NALCN: variants seen among roughly 807,000 people sequenced by gnomAD.
NALCN encodes the protein sodium leak channel, non-selective.
Under a neutral mutation model 225.3 loss-of-function variants are expected in NALCN, and 111 were observed. The observed-to-expected ratio is 0.49, with a 90% CI of 0.42 to 0.58. The LOEUF (loss-of-function observed/expected upper bound fraction) is 0.58. Among genes scored for constraint, NALCN ranks in the 20% least tolerant of loss-of-function variants. The probability of loss-of-function intolerance (pLI) is 0.00; values close to 1 mark genes in which losing one functional copy is unlikely to be tolerated. For synonymous variants in NALCN, 764 were observed against 769.0 expected, an observed-to-expected ratio of 0.99 and a Z score of 0.11; for missense variants, 1,378 against 2,202.4, an observed-to-expected ratio of 0.63 and a Z score of 7.49.
intron 1 of NALCN, among the ~76,000 whole-genome samples, chr13:101,399,881 C>A (rs1467026013): frequency 6.6e-6 from 1 of 152,194 alleles, no homozygotes; most frequent in Non-Finnish European, 1.5e-5. Flanking sequence ...ATTGCTACTG[C>A]CTTCCACAAC....
chr13:101,129,408 C>A (rs929897379), intron 17 of NALCN, among the ~76,000 whole-genome samples: 3 of 152,172 alleles, frequency 2.0e-5, no homozygotes, highest in Non-Finnish European at 4.4e-5. Flanking sequence ...ATTATCTCTA[C>A]TGTGCTCATT....
chr13:101,290,440 A>T (rs2043511561), intron 9 of NALCN, among the ~76,000 whole-genome samples: 1 of 152,210 alleles, frequency 6.6e-6, no homozygotes, highest in Non-Finnish European at 1.5e-5. Flanking sequence ...GAACTTTCTT[A>T]TCTCTCATAG....
chr13:101,302,447 C>T (rs951681127), intron 7 of NALCN, among the ~76,000 whole-genome samples: 2 of 151,816 alleles, frequency 1.3e-5, no homozygotes, highest in Admixed American at 6.6e-5. Context: ...TTAAAAAATC[C>T]GATTAGGTCT....
At chr13:101,155,516 T>C (rs1211080930) in intron 15 of NALCN, among the ~76,000 whole-genome samples, 1 of 152,210 alleles carries the variant, frequency 6.6e-6, no homozygotes, top group African/African-American at 2.4e-5. Flanking sequence ...TTGGGACAAA[T>C]ACCATGGAGA....
At chr13:101,081,980 C>A (rs542658423) in intron 33 of NALCN, among the ~76,000 whole-genome samples, 107 of 152,048 alleles carry the variant, frequency 7.0e-4, no homozygotes, top group Non-Finnish European at 1.2e-3. Flanking sequence ...CGGGTTCAAG[C>A]AATTCTCCTG....
intron 14 of NALCN, among the ~76,000 whole-genome samples, chr13:101,182,098 C>T (rs1048393194): frequency 2.4e-5 from 3 of 122,782 alleles, no homozygotes; most frequent in Non-Finnish European, 4.7e-5. Context: ...CGTGCCACTG[C>T]ACTCCAGCCT....
intron 20 of NALCN, 100 bp downstream of exon 20, chr13:101,110,519 T>A (rs548674623): frequency 7.9e-7 from 1 of 1,265,744 alleles, no homozygotes; most frequent in East Asian, 2.3e-5. Context: ...TAAGGAGACA[T>A]GGGAATGCAG....
At chr13:101,179,766 G>A (rs553218802) in intron 14 of NALCN, among the ~76,000 whole-genome samples, 1 of 152,216 alleles carries the variant, frequency 6.6e-6, no homozygotes, top group East Asian at 1.9e-4. Flanking sequence ...CACCGTGCAC[G>A]GAGTTGGTAG....
chr13:101,207,183 A>G (rs1259295136), intron 13 of NALCN, among the ~76,000 whole-genome samples: 1 of 152,220 alleles, frequency 6.6e-6, no homozygotes, highest in Non-Finnish European at 1.5e-5. Context: ...TAAAAAACCA[A>G]TTCTCAGAAA....
intron 3 of NALCN, among the ~76,000 whole-genome samples, chr13:101,387,580 G>A (rs1042793333): frequency 6.6e-6 from 1 of 152,152 alleles, no homozygotes; most frequent in Admixed American, 6.5e-5. Context: ...ATTATTCTGG[G>A]TGAAGGGACT....
At chr13:101,326,439 C>A (rs1594681160) in intron 7 of NALCN, among the ~76,000 whole-genome samples, 1 of 152,172 alleles carries the variant, frequency 6.6e-6, no homozygotes, top group Non-Finnish European at 1.5e-5. Context: ...CCAACAAGTG[C>A]AAAATACTGG....
chr13:101,175,797 C>T (rs1003641133), intron 15 of NALCN, among the ~76,000 whole-genome samples: 1 of 152,166 alleles, frequency 6.6e-6, no homozygotes, highest in South Asian at 2.1e-4. Flanking sequence ...TAACTTTCAC[C>T]ATGATGACAT....
chr13:101,201,879 A>G (rs2040137050), intron 13 of NALCN, among the ~76,000 whole-genome samples: 2 of 152,172 alleles, frequency 1.3e-5, no homozygotes, highest in Non-Finnish European at 2.9e-5. Context: ...CTACTTGATG[A>G]TTTATATAGT....
chr13:101,110,451 G>C (rs1234032568), intron 20 of NALCN, among the ~76,000 whole-genome samples, 168 bp downstream of exon 20: 3 of 152,270 alleles, frequency 2.0e-5, no homozygotes, highest in Non-Finnish European at 4.4e-5. Flanking sequence ...AGTTACTTCT[G>C]ATACTTGGCT....
intron 17 of NALCN, among the ~76,000 whole-genome samples, chr13:101,125,273 G>C (rs1409073840): frequency 6.6e-6 from 1 of 152,034 alleles, no homozygotes; most frequent in African/African-American, 2.4e-5. Context: ...ATTTTAGATT[G>C]GTGGAAGGTG....
At chr13:101,112,688 C>T (rs1162168342) in intron 18 of NALCN, among the ~76,000 whole-genome samples, 2 of 152,152 alleles carry the variant, frequency 1.3e-5, no homozygotes, top group African/African-American at 4.8e-5. Flanking sequence ...TTGCTCAACA[C>T]CTGAACACAC....
intron 7 of NALCN, among the ~76,000 whole-genome samples, chr13:101,294,626 T>C (rs78764069): frequency 1.3e-5 from 2 of 149,828 alleles, no homozygotes; most frequent in African/African-American, 4.9e-5. Context: ...TCTGGTCCTG[T>C]GATGCCGCCA....
chr13:101,254,687 C>T (rs1449060243), intron 11 of NALCN, among the ~76,000 whole-genome samples: 1 of 74,004 alleles, frequency 1.4e-5, no homozygotes, highest in Non-Finnish European at 3.7e-5. Context: ...GTCAGGAGAT[C>T]GAGACCATCC....
intron 1 of NALCN, 21 bp downstream of exon 1, chr13:101,416,292 G>C (rs1436258756): frequency 1.3e-5 from 2 of 152,146 alleles, no homozygotes; most frequent in South Asian, 2.1e-4. Flanking sequence ...AGCCTCCCGG[G>C]CACCGGCGGC....
Sources: gnomAD v4.1 joint callset for allele counts (sites outside exome capture counted in the v4.1 genomes callset) on GRCh38, gnomAD v4.1.1 for gene constraint, MANE v1.5 for transcripts, NCBI Gene and HGNC (gene_info 2026-07-23, HGNC 2026-07-21) for gene names.